PCDH11X: variants seen among roughly 807,000 people sequenced by gnomAD.
The protein encoded by PCDH11X is protocadherin-11 X-linked.
Under a neutral mutation model 53.3 loss-of-function variants are expected in PCDH11X, and 18 were observed. The ratio of observed to expected loss-of-function variants is 0.34; its 90% CI spans 0.23 to 0.50. PCDH11X has a LOEUF of 0.50. Among genes scored for constraint, PCDH11X ranks in the 20% least tolerant of loss-of-function variants. PCDH11X has a pLI of 0.98. For missense variants in PCDH11X, 570 were observed against 1,032.4 expected (o/e 0.55, Z 6.14); for synonymous variants, 279 against 393.3 (o/e 0.71, Z 3.44).
At chrX:92,421,812 G>A (rs1375140515) in intron 9 of PCDH11X, among the ~76,000 whole-genome samples, 2 of 111,916 alleles carry the variant, frequency 1.8e-5, no homozygotes, top group African/African-American at 6.5e-5. Context: ...GATCAGTGAT[G>A]CTGAGCATTT....
intron 6 of PCDH11X, among the ~76,000 whole-genome samples, chrX:91,904,442 T>A (rs941738418): frequency 6.3e-5 from 7 of 110,659 alleles, no homozygotes; most frequent in African/African-American, 2.3e-4. Flanking sequence ...TAATTCAATT[T>A]GGATATTATA....
chrX:92,084,403 C>T (rs1209830788), intron 6 of PCDH11X, among the ~76,000 whole-genome samples: 2 of 108,610 alleles, frequency 1.8e-5, no homozygotes, highest in African/African-American at 3.4e-5. Context: ...CAAAATTAGC[C>T]GGGTGTGGTG....
chrX:91,796,489 T>C (rs1437380977), intron 1 of PCDH11X, among the ~76,000 whole-genome samples: 1 of 111,369 alleles, frequency 9.0e-6, no homozygotes, highest in African/African-American at 3.3e-5. Context: ...TATCCTTGAT[T>C]CAGAAGCTAC....
intron 6 of PCDH11X, among the ~76,000 whole-genome samples, chrX:91,967,051 A>C (rs1230835356): frequency 1.1e-5 from 1 of 88,920 alleles, no homozygotes; most frequent in African/African-American, 4.5e-5. Context: ...CTGATTGTTC[A>C]ACCCCCACTT....
intron 6 of PCDH11X, among the ~76,000 whole-genome samples, chrX:92,159,123 A>T (rs1290915489): frequency 8.9e-6 from 1 of 112,009 alleles, no homozygotes; most frequent in Non-Finnish European, 1.9e-5. Context: ...TAATATAAAT[A>T]TTAAAAAGTA....
At chrX:92,459,176 G>T (rs12846398) in intron 9 of PCDH11X, among the ~76,000 whole-genome samples, 5,447 of 60,933 alleles carry the variant, frequency 0.089, 289 homozygotes, top group Middle Eastern at 0.15. Context: ...CATTTGTTAA[G>T]CCCACAGCTA....
At chrX:91,797,096 G>A (rs949344483) in intron 1 of PCDH11X, among the ~76,000 whole-genome samples, 3 of 109,604 alleles carry the variant, frequency 2.7e-5, no homozygotes, top group African/African-American at 6.6e-5. Context: ...GCAGAACACC[G>A]TGCCTTGAGG....
At chrX:91,957,722 G>A (rs2147882380) in intron 6 of PCDH11X, among the ~76,000 whole-genome samples, 1 of 109,695 alleles carries the variant, frequency 9.1e-6, no homozygotes, top group South Asian at 4.0e-4. Flanking sequence ...CATGTTGGCA[G>A]GTCTTACCCA....
chrX:91,926,965 C>T (rs1352133866), intron 6 of PCDH11X, among the ~76,000 whole-genome samples: 1 of 111,243 alleles, frequency 9.0e-6, no homozygotes, highest in Non-Finnish European at 1.9e-5. Context: ...CTCCCCTTCC[C>T]CTCCATGCTT....
intron 5 of PCDH11X, among the ~76,000 whole-genome samples, chrX:91,876,390 A>T (rs1174944661): frequency 4.5e-5 from 5 of 111,435 alleles, no homozygotes; most frequent in African/African-American, 1.3e-4. Flanking sequence ...TAATTAATTT[A>T]AAAAAACTGA....
rs1335990571 is a variant in PCDH11X at position 92,443,860 on chromosome X, G to C, written c.3344-24439G>C. On this transcript the variant is annotated intron_variant, in intron 9 of 10. Coordinates refer to ENST00000682573, the MANE Select transcript of PCDH11X (RefSeq NM_032968.5). Reference sequence around the variant, plus strand: ...ATGTAGGTGTGCAGCTTTATTTCTGGGTTCTCTATCCTGTTTCATTAGTCT... The same window carrying C: ...ATGTAGGTGTGCAGCTTTATTTCTGCGTTCTCTATCCTGTTTCATTAGTCT... Among the ~76,000 whole-genome samples the C allele has an allele frequency of 2.7e-5, 3 of 111,098 alleles. No homozygotes were observed. In the Admixed American group the frequency reaches 2.9e-4, roughly 11 times the overall value.
At chrX:92,016,029 AAAC>A (rs1240488322) in intron 6 of PCDH11X, among the ~76,000 whole-genome samples, 30 of 112,325 alleles carry the variant, frequency 2.7e-4, no homozygotes, top group Non-Finnish European at 3.8e-4. Context: ...GCAGTCATGA[AAAC>A]AACATTAATT....
intron 7 of PCDH11X, among the ~76,000 whole-genome samples, chrX:92,255,206 G>A (rs1231878835): frequency 9.2e-6 from 1 of 108,457 alleles, no homozygotes. Flanking sequence ...TTCCATCGCT[G>A]ATATCCTTTC....
chrX:92,020,767 G>A (rs2062871154), intron 6 of PCDH11X, among the ~76,000 whole-genome samples: 1 of 110,776 alleles, frequency 9.0e-6, no homozygotes, highest in African/African-American at 3.3e-5. Flanking sequence ...GGGGTTGTCA[G>A]ACACCGTATT....
intron 9 of PCDH11X, among the ~76,000 whole-genome samples, chrX:92,440,903 C>T (rs1230930208): frequency 1.8e-5 from 2 of 111,154 alleles, no homozygotes; most frequent in East Asian, 5.7e-4. Context: ...GTTTGGAACT[C>T]CCTAGAGACT....
intron 10 of PCDH11X, among the ~76,000 whole-genome samples, chrX:92,585,369 T>C (rs1924255597): frequency 1.0e-5 from 1 of 100,413 alleles, no homozygotes; most frequent in African/African-American, 4.1e-5. Flanking sequence ...AGTGCTTTCT[T>C]TTTCTTTTTT....
chrX:92,036,709 C>T (rs1161330555), intron 6 of PCDH11X, among the ~76,000 whole-genome samples: 3 of 111,211 alleles, frequency 2.7e-5, no homozygotes, highest in Non-Finnish European at 3.8e-5. Context: ...AAAAGATACC[C>T]GAAAATGTGG....
chrX:92,213,445 G>T (rs1295295662), intron 7 of PCDH11X, among the ~76,000 whole-genome samples: 1 of 111,647 alleles, frequency 9.0e-6, no homozygotes, highest in South Asian at 3.8e-4. Context: ...GCCTAAAGTT[G>T]CACAGTTTGC....
intron 6 of PCDH11X, among the ~76,000 whole-genome samples, chrX:91,887,336 T>C (rs1426424117): frequency 2.7e-5 from 3 of 111,267 alleles, no homozygotes; most frequent in Non-Finnish European, 5.7e-5. Flanking sequence ...ATTTTAAATA[T>C]GACTTAGCTT....
Sources: gnomAD v4.1 joint callset for allele counts (sites outside exome capture counted in the v4.1 genomes callset) on GRCh38, gnomAD v4.1.1 for gene constraint, MANE v1.5 for transcripts, NCBI Gene and HGNC (gene_info 2026-07-23, HGNC 2026-07-21) for gene names.